Variants in NAALAD2 observed in about 807,000 individuals in gnomAD.
NAALAD2 encodes the protein N-acetylated-alpha-linked acidic dipeptidase 2.
In NAALAD2, 89 loss-of-function variants were observed where a neutral mutation model predicts 95.6. The ratio of observed to expected loss-of-function variants is 0.93; its 90% CI spans 0.78 to 1.11. NAALAD2 has a LOEUF of 1.11. Ranked by LOEUF, NAALAD2 falls within the 50% of genes least tolerant of loss-of-function variation. The probability of loss-of-function intolerance (pLI) is 0.00; values close to 1 mark genes in which losing one functional copy is unlikely to be tolerated. For synonymous variants in NAALAD2, 264 were observed against 294.4 expected (o/e 0.90, Z 1.06); for missense variants, 894 against 872.4 (o/e 1.02, Z -0.31).
chr11:90,178,696 T>C (rs180914394), intron 16 of NAALAD2, among the ~76,000 whole-genome samples: 275 of 152,060 alleles, frequency 1.8e-3, no homozygotes, highest in African/African-American at 6.1e-3. Context: ...TTTACTGTTA[T>C]AGAAACAATA....
chr11:90,134,962 T>C, intron 1 of NAALAD2, 122 bp downstream of exon 1: 2 of 1,036,570 alleles, frequency 1.9e-6, no homozygotes, highest in South Asian at 2.7e-5. Context: ...CTGGGCTAGA[T>C]ATGATAAACT....
intron 16 of NAALAD2, 132 bp downstream of exon 16, chr11:90,178,249 A>G (rs2134973460): frequency 1.0e-6 from 1 of 999,174 alleles, no homozygotes; most frequent in South Asian, 1.7e-5. Context: ...CTTCTACACA[A>G]AAACTTAAAA....
intron 2 of NAALAD2, among the ~76,000 whole-genome samples, chr11:90,146,745 A>C (rs1436068187): frequency 6.6e-6 from 1 of 152,160 alleles, no homozygotes; most frequent in Non-Finnish European, 1.5e-5. Context: ...TAAATGTTAC[A>C]ACTCATTTAC....
intron 12 of NAALAD2, 71 bp downstream of exon 12, chr11:90,169,063 A>G: frequency 9.4e-7 from 1 of 1,064,200 alleles, no homozygotes; most frequent in Non-Finnish European, 1.4e-6. Context: ...TTTATTATTG[A>G]GTAGAATACC....
chr11:90,146,275 G>A (rs1448925964), intron 2 of NAALAD2, among the ~76,000 whole-genome samples: 2 of 145,534 alleles, frequency 1.4e-5, no homozygotes, highest in African/African-American at 5.1e-5. Context: ...GCTGTCATCC[G>A]GTTAACTAAA....
At chr11:90,162,747 G>T in intron 8 of NAALAD2, 1 of 336,704 alleles carries the variant, frequency 3.0e-6, no homozygotes, top group East Asian at 4.8e-5. Context: ...GAAGTAAATT[G>T]GCATAATGTC....
intron 9 of NAALAD2, 45 bp from the exon 10 acceptor site, chr11:90,163,265 T>TA: frequency 6.4e-7 from 1 of 1,562,606 alleles, no homozygotes; most frequent in African/African-American, 1.4e-5. Flanking sequence ...CAAATATTTA[T>TA]AATGTATTCA....
At chr11:90,152,021 G>A (rs1951900632) in intron 5 of NAALAD2, among the ~76,000 whole-genome samples, 1 of 152,050 alleles carries the variant, frequency 6.6e-6, no homozygotes, top group South Asian at 2.1e-4. Flanking sequence ...AGAAAATATA[G>A]AACTACAAAG....
At chr11:90,132,651 C>T (rs1012877788), upstream of NAALAD2, among the ~76,000 whole-genome samples, 10 of 152,190 alleles carry the variant, frequency 6.6e-5, no homozygotes, top group African/African-American at 2.4e-4. Flanking sequence ...TAATGTCACA[C>T]ATAAAAATAA....
intron 14 of NAALAD2, 40 bp from the exon 15 acceptor site, chr11:90,175,932 G>A: frequency 8.9e-7 from 1 of 1,119,242 alleles, no homozygotes; most frequent in Non-Finnish European, 1.3e-6. Context: ...TTGTTTATGT[G>A]TGTGTGTGTG....
chr11:90,143,675 C>T (rs1279589201), intron 2 of NAALAD2, among the ~76,000 whole-genome samples: 1 of 152,112 alleles, frequency 6.6e-6, no homozygotes. Flanking sequence ...TCCAGTTAAA[C>T]CCTACAGACA....
At position 90,163,247 on chromosome 11, in the gene NAALAD2, A is replaced by T. The variant is rs916132230; in HGVS notation, c.1076-63A>T. 22 of 1,519,638 alleles carry T rather than the reference A, an allele frequency of 1.4e-5. No individual in the cohort carries two copies. The African/African-American group carries it at 3.0e-4, about 20-fold the overall frequency. 94.1% of individuals were successfully genotyped at this position (1,519,638 alleles called of 1,614,324 possible). On this transcript the variant is annotated intron_variant, in intron 9 of 18. Transcript: ENST00000534061. The stretch of plus-strand genomic sequence containing the variant: ...GCAAGAGGATGTTTATTTTAAAAAC[A>T]TAAATTACAAATATTTATAATGTAT...
chr11:90,134,992 T>C (rs1332754548), intron 1 of NAALAD2, 152 bp downstream of exon 1: 1 of 712,502 alleles, frequency 1.4e-6, no homozygotes, highest in Non-Finnish European at 2.4e-6. Context: ...TCAGCAAAAC[T>C]AGAAACCAGA....
At chr11:90,158,082 T>G in intron 6 of NAALAD2, 63 bp from the exon 7 acceptor site, 1 of 1,221,114 alleles carries the variant, frequency 8.2e-7, no homozygotes, top group South Asian at 1.3e-5. Flanking sequence ...ATGCAAAAAA[T>G]CCCTGTATAT....
chr11:90,145,452 G>A, intron 2 of NAALAD2, among the ~76,000 whole-genome samples: 1 of 152,098 alleles, frequency 6.6e-6, no homozygotes, highest in East Asian at 1.9e-4. Context: ...TCTGCTCTAT[G>A]TAGAAACAAA....
chr11:90,147,174 A>T (rs1951767549), intron 2 of NAALAD2, among the ~76,000 whole-genome samples, 156 bp from the exon 3 acceptor site: 1 of 152,198 alleles, frequency 6.6e-6, no homozygotes. Context: ...AAATTGGCCT[A>T]TCTAGAAACT....
chr11:90,136,597 T>G (rs1354152295), intron 2 of NAALAD2, among the ~76,000 whole-genome samples: 2 of 152,228 alleles, frequency 1.3e-5, no homozygotes, highest in Admixed American at 6.5e-5. Flanking sequence ...GAGATTCATC[T>G]AGATTGTTGC....
chr11:90,158,035 G>T, intron 6 of NAALAD2, 110 bp from the exon 7 acceptor site: 1 of 816,468 alleles, frequency 1.2e-6, no homozygotes, highest in Non-Finnish European at 2.0e-6. Context: ...TTTTAATTTT[G>T]GCATAATTGC....
At chr11:90,172,911 AAG>A (rs2134957702) in intron 13 of NAALAD2, among the ~76,000 whole-genome samples, 1 of 152,312 alleles carries the variant, frequency 6.6e-6, no homozygotes, top group African/African-American at 2.4e-5. Context: ...CTAAGGTTCA[AAG>A]AGGGGAACAA....
Sources: gnomAD v4.1 joint callset for allele counts (sites outside exome capture counted in the v4.1 genomes callset) on GRCh38, gnomAD v4.1.1 for gene constraint, MANE v1.5 for transcripts, NCBI Gene and HGNC (gene_info 2026-07-23, HGNC 2026-07-21) for gene names.